Variants in SCN11A observed in about 807,000 individuals in gnomAD.
SCN11A encodes the protein sodium channel protein type 11 subunit alpha.
Under a neutral mutation model 162.2 loss-of-function variants are expected in SCN11A, and 122 were observed. That is an observed-to-expected ratio of 0.75 (90% CI 0.65 to 0.87). The LOEUF is 0.87. SCN11A is among the 40% of genes least tolerant of loss of function. SCN11A has a pLI of 0.00. For missense variants in SCN11A, 2,015 were observed against 2,181.6 expected (o/e 0.92, Z 1.52); for synonymous variants, 758 against 751.5 (o/e 1.01, Z -0.14).
At chr3:38,924,366 C>G (rs772101787) in intron 9 of SCN11A, among the ~76,000 whole-genome samples, 1 of 151,004 alleles carries the variant, frequency 6.6e-6, no homozygotes, top group Admixed American at 6.6e-5. Flanking sequence ...TACTCACCAC[C>G]ACATCTAACT....
intron 1 of SCN11A, among the ~76,000 whole-genome samples, chr3:39,033,776 T>C (rs1016097139): frequency 6.6e-6 from 1 of 152,164 alleles, no homozygotes; most frequent in African/African-American, 2.4e-5. Context: ...TGAAAAAAAC[T>C]CAAGAGTTTT....
chr3:38,852,495 TG>T (rs1348751680), intron 28 of SCN11A, among the ~76,000 whole-genome samples: 5 of 152,154 alleles, frequency 3.3e-5, no homozygotes, highest in African/African-American at 7.2e-5. Flanking sequence ...CCTAAAGTGT[TG>T]GATGATCAAA....
In SCN11A at chr3:38,900,034, T is replaced by G; in HGVS notation, c.1882A>C (p.Ile628Leu). ...SIFIAEMCLK[I>L]IALDPYHYFR... ...TAGTGGTAGGGATCGAGCGCAATGA[T>G]TTTTAGGCACATTTCTGCTATAAAA... The change falls in exon 17 of 30, where the codon ATC becomes CTC. Residue 628 changes from isoleucine to leucine, a missense_variant. Physicochemically the swap from Ile to Leu is conservative, Grantham distance 5 (BLOSUM62 2). Coordinates refer to ENST00000302328, the MANE Select transcript of SCN11A (RefSeq NM_001349253.2). The G allele has an allele frequency of 6.2e-7, 1 of 1,614,060 alleles. No homozygotes were observed. Among genetic ancestry groups the G allele is most frequent in the Non-Finnish European group, 8.5e-7 (1 of 1,179,970 alleles).
At chr3:39,049,146 G>A (rs776208255) in intron 1 of SCN11A, among the ~76,000 whole-genome samples, 3 of 152,248 alleles carry the variant, frequency 2.0e-5, no homozygotes, top group African/African-American at 4.8e-5. Context: ...AAAAAAGAGT[G>A]CTGAATATTG....
At chr3:38,921,370 GA>G in intron 9 of SCN11A, 115 bp from the exon 10 acceptor site, 1 of 903,844 alleles carries the variant, frequency 1.1e-6, no homozygotes, top group East Asian at 2.5e-5. Flanking sequence ...GCTGGAACTG[GA>G]CTCCAGCCTA....
rs376933529 is a variant in SCN11A, at chr3:38,946,870, C to T, written c.305G>A (p.Arg102His). The change falls in exon 6 of 30, where the codon CGC becomes CAC. Residue 102 changes from arginine to histidine, a missense_variant. Coordinates refer to ENST00000302328, the MANE Select transcript of SCN11A (RefSeq NM_001349253.2). Reference sequence around the variant, plus strand: ...GAACAAGGCATGCTTGGCACTGAAGCGGTAGATTGTCCTCTTTCTGTTTAA... The same window carrying T: ...GAACAAGGCATGCTTGGCACTGAAGTGGTAGATTGTCCTCTTTCTGTTTAA... Reference protein sequence around the residue: ...MVLNRKRTIYRFSAKHALFIF... With the variant: ...MVLNRKRTIYHFSAKHALFIF... 7.4e-6 allele frequency: 12 copies of T among 1,613,394 alleles called. No homozygotes were observed. Among genetic ancestry groups the T allele is most frequent in the Admixed American group, 1.7e-5 (1 of 59,886 alleles).
chr3:39,017,762 A>G (rs767538122), intron 2 of SCN11A, among the ~76,000 whole-genome samples: 3 of 152,080 alleles, frequency 2.0e-5, no homozygotes, highest in Non-Finnish European at 4.4e-5. Context: ...GAACATATGC[A>G]TATAGTTACA....
intron 1 of SCN11A, among the ~76,000 whole-genome samples, chr3:39,049,863 T>C (rs1242990533): frequency 6.6e-6 from 1 of 152,226 alleles, no homozygotes; most frequent in East Asian, 1.9e-4. Flanking sequence ...CCTCTGACCC[T>C]GAATTGACCA....
chr3:38,926,723 A>C, intron 8 of SCN11A, 80 bp downstream of exon 8: 1 of 1,427,860 alleles, frequency 7.0e-7, no homozygotes, highest in Non-Finnish European at 9.7e-7. Flanking sequence ...ACTCAAATGG[A>C]TCCACACAGA....
At chr3:38,861,600 C>A (rs2064965285) in intron 28 of SCN11A, among the ~76,000 whole-genome samples, 1 of 152,058 alleles carries the variant, frequency 6.6e-6, no homozygotes. Flanking sequence ...ATAGTTACAG[C>A]CAATTGATCT....
intron 2 of SCN11A, among the ~76,000 whole-genome samples, chr3:38,964,598 G>A (rs1262308238): frequency 6.6e-6 from 1 of 152,202 alleles, no homozygotes; most frequent in East Asian, 1.9e-4. Flanking sequence ...TTAAACTGAA[G>A]CATAGAGGAT....
At chr3:38,889,713 T>C (rs2065462800) in intron 19 of SCN11A, among the ~76,000 whole-genome samples, 1 of 151,454 alleles carries the variant, frequency 6.6e-6, no homozygotes, top group African/African-American at 2.4e-5. Flanking sequence ...GGCAGGAGAA[T>C]GGCAGGAACC....
At chr3:38,946,605 G>A (rs2066520021) in intron 6 of SCN11A, among the ~76,000 whole-genome samples, 184 bp downstream of exon 6, 1 of 152,114 alleles carries the variant, frequency 6.6e-6, no homozygotes, top group South Asian at 2.1e-4. Context: ...GAGGCCATAG[G>A]ACCCCAGAGA....
At chr3:38,879,080 AG>A (rs2065266971) in intron 23 of SCN11A, among the ~76,000 whole-genome samples, 1 of 152,180 alleles carries the variant, frequency 6.6e-6, no homozygotes, top group South Asian at 2.1e-4. Context: ...TCTTAAAAAA[AG>A]GATGTAATGT....
chr3:38,924,378 AT>A (rs375762530), intron 9 of SCN11A, among the ~76,000 whole-genome samples: 10,202 of 145,344 alleles, frequency 0.07, 1,083 homozygotes, highest in African/African-American at 0.23. Flanking sequence ...CATCTAACTA[AT>A]TTTTTTTTTT....
intron 2 of SCN11A, among the ~76,000 whole-genome samples, chr3:39,031,962 A>C (rs569610119): frequency 3.3e-4 from 50 of 152,248 alleles, no homozygotes; most frequent in Non-Finnish European, 5.9e-4. Flanking sequence ...GGAAAAACTT[A>C]GAAAAAGTAC....
At chr3:38,870,604 TA>T in intron 26 of SCN11A, 86 bp downstream of exon 26, 1 of 1,112,432 alleles carries the variant, frequency 9.0e-7, no homozygotes, top group Admixed American at 2.0e-5. Flanking sequence ...CTGCTGGAAC[TA>T]TGACGCCAGT....
At chr3:38,865,191 T>A (rs1224584038) in intron 27 of SCN11A, among the ~76,000 whole-genome samples, 2 of 152,222 alleles carry the variant, frequency 1.3e-5, no homozygotes, top group Non-Finnish European at 2.9e-5. Flanking sequence ...TATTTTAGGT[T>A]AATTCTAGTA....
At chr3:39,039,102 C>G (rs1246153297) in intron 1 of SCN11A, among the ~76,000 whole-genome samples, 1 of 152,186 alleles carries the variant, frequency 6.6e-6, no homozygotes, top group African/African-American at 2.4e-5. Context: ...CTTTCACCTT[C>G]TTCTTCTCTT....
Sources: gnomAD v4.1 joint callset for allele counts (sites outside exome capture counted in the v4.1 genomes callset) on GRCh38, gnomAD v4.1.1 for gene constraint, MANE v1.5 for transcripts, NCBI Gene and HGNC (gene_info 2026-07-23, HGNC 2026-07-21) for gene names.